The following ZPBP variants were observed in gnomAD, a reference collection of about 807,000 sequenced individuals.
ZPBP encodes the protein zona pellucida binding protein.
ZPBP carries 26 observed loss-of-function variants against 44.8 expected under a neutral mutation model. That is an observed-to-expected ratio of 0.58 (90% CI 0.43 to 0.81). The LOEUF (loss-of-function observed/expected upper bound fraction) is 0.81, where lower values mean the gene tolerates loss of function less well. Ranked by LOEUF, ZPBP falls within the 30% of genes least tolerant of loss-of-function variation. The probability of loss-of-function intolerance (pLI) is 0.00; values close to 1 mark genes in which losing one functional copy is unlikely to be tolerated. For missense variants in ZPBP, 409 were observed against 434.0 expected, an observed-to-expected ratio of 0.94 and a Z score of 0.51; for synonymous variants, 174 against 153.2, an observed-to-expected ratio of 1.14 and a Z score of -1.00.
chr7:50,090,018 C>T (rs1802870477), intron 1 of ZPBP, among the ~76,000 whole-genome samples: 2 of 152,142 alleles, frequency 1.3e-5, no homozygotes, highest in Non-Finnish European at 2.9e-5. Flanking sequence ...CTTCAAACCT[C>T]GTTTGTCCTT....
intron 7 of ZPBP, chr7:49,943,697 G>T (rs1794983264): frequency 3.8e-6 from 1 of 260,430 alleles, no homozygotes; most frequent in South Asian, 4.4e-5. Context: ...TGTTCCCAGG[G>T]TTTATTCTTT....
intron 7 of ZPBP, chr7:49,940,672 G>A: frequency 1.3e-6 from 1 of 746,858 alleles, no homozygotes; most frequent in Non-Finnish European, 1.6e-6. Flanking sequence ...AAAAAGCTGT[G>A]TTTGAAATGA....
chr7:49,988,444 A>T (rs1797417241), intron 6 of ZPBP, among the ~76,000 whole-genome samples: 1 of 152,160 alleles, frequency 6.6e-6, no homozygotes, highest in African/African-American at 2.4e-5. Flanking sequence ...ATGATGCTTA[A>T]TCTTCTTTAG....
chr7:50,055,752 T>G (rs1222615332), intron 4 of ZPBP, among the ~76,000 whole-genome samples: 1 of 152,186 alleles, frequency 6.6e-6, no homozygotes, highest in Non-Finnish European at 1.5e-5. Context: ...GCCTGGTACC[T>G]CATAAGTGCT....
intron 5 of ZPBP, among the ~76,000 whole-genome samples, chr7:50,023,245 C>G (rs141770626): frequency 1.3e-5 from 2 of 152,102 alleles, no homozygotes; most frequent in East Asian, 3.9e-4. Context: ...AGGTCTCAGG[C>G]GAAGGACTCA....
chr7:49,943,594 G>A (rs151076968), intron 7 of ZPBP: 66 of 362,770 alleles, frequency 1.8e-4, no homozygotes, highest in Middle Eastern at 6.1e-4. Flanking sequence ...TGCATGGAAA[G>A]CAAGTGTTGG....
At chr7:49,855,628 T>C (rs950824133) in intron 2 of ZPBP, among the ~76,000 whole-genome samples, 3 of 152,234 alleles carry the variant, frequency 2.0e-5, no homozygotes, top group African/African-American at 7.2e-5. Flanking sequence ...TGATCTGTGC[T>C]GCAGGAGAAT....
At chr7:49,928,804 A>G (rs897722578) in intron 1 of ZPBP, among the ~76,000 whole-genome samples, 3 of 152,198 alleles carry the variant, frequency 2.0e-5, no homozygotes, top group Admixed American at 2.0e-4. Flanking sequence ...CGCCTACCTC[A>G]TGATGTAGCT....
At chr7:49,981,008 T>A (rs979716079) in intron 7 of ZPBP, among the ~76,000 whole-genome samples, 1 of 151,120 alleles carries the variant, frequency 6.6e-6, no homozygotes, top group African/African-American at 2.4e-5. Flanking sequence ...TGTGTTTTGT[T>A]ATTTAAATAT....
intron 2 of ZPBP, among the ~76,000 whole-genome samples, chr7:49,887,372 T>G (rs1404692704): frequency 1.3e-5 from 2 of 152,236 alleles, no homozygotes; most frequent in African/African-American, 4.8e-5. Context: ...ATGACACCAT[T>G]TGCTAGTCAT....
chr7:49,903,948 C>T (rs950031396), intron 1 of ZPBP, among the ~76,000 whole-genome samples: 11 of 152,122 alleles, frequency 7.2e-5, no homozygotes, highest in Non-Finnish European at 1.0e-4. Flanking sequence ...ACATAGGGCT[C>T]ACAGATTGGT....
chr7:50,074,435 C>T (rs1231783259), intron 3 of ZPBP, among the ~76,000 whole-genome samples: 1 of 151,768 alleles, frequency 6.6e-6, no homozygotes, highest in African/African-American at 2.4e-5. Flanking sequence ...TAAATAATAA[C>T]ATTAAGTGTA....
chr7:50,043,193 G>A (rs952233154), intron 4 of ZPBP, among the ~76,000 whole-genome samples: 1 of 152,208 alleles, frequency 6.6e-6, no homozygotes, highest in Non-Finnish European at 1.5e-5. Context: ...TTCCCGTTAA[G>A]TAATACTTTT....
downstream of ZPBP, among the ~76,000 whole-genome samples, chr7:49,933,758 T>C (rs1209317208): frequency 1.3e-5 from 2 of 152,056 alleles, no homozygotes; most frequent in East Asian, 1.9e-4. Flanking sequence ...TGTAGGGACA[T>C]GGATGAAGCT....
chr7:49,948,932 T>A (rs892569802), intron 7 of ZPBP, among the ~76,000 whole-genome samples: 5 of 152,110 alleles, frequency 3.3e-5, no homozygotes, highest in Admixed American at 3.3e-4. Flanking sequence ...GGACTTAACG[T>A]TTGTGTCCCT....
intron 4 of ZPBP, among the ~76,000 whole-genome samples, chr7:50,051,240 C>T (rs1363504834): frequency 6.6e-6 from 1 of 152,166 alleles, no homozygotes; most frequent in Non-Finnish European, 1.5e-5. Context: ...AAGATACCAT[C>T]TCACACCAGT....
chr7:50,065,284 T>A (rs1201749371), intron 3 of ZPBP, among the ~76,000 whole-genome samples: 2 of 144,482 alleles, frequency 1.4e-5, no homozygotes, highest in African/African-American at 5.2e-5. Context: ...AATATGCCCA[T>A]GTTCAACAGA....
At chr7:49,960,710 C>T (rs867786113) in intron 7 of ZPBP, among the ~76,000 whole-genome samples, 4 of 151,996 alleles carry the variant, frequency 2.6e-5, no homozygotes, top group South Asian at 2.1e-4. Flanking sequence ...GTATAAAACA[C>T]GTACCAATAG....
intron 2 of ZPBP, among the ~76,000 whole-genome samples, chr7:49,863,828 C>G (rs1790769122): frequency 6.6e-6 from 1 of 152,254 alleles, no homozygotes; most frequent in South Asian, 2.1e-4. Flanking sequence ...TTTACTCATT[C>G]TTTTAGGTGT....
Sources: gnomAD v4.1 joint callset for allele counts (sites outside exome capture counted in the v4.1 genomes callset) on GRCh38, gnomAD v4.1.1 for gene constraint, MANE v1.5 for transcripts, NCBI Gene and HGNC (gene_info 2026-07-23, HGNC 2026-07-21) for gene names.